Variants in ALCAM observed in about 807,000 individuals in gnomAD.
ALCAM encodes activated leukocyte cell adhesion molecule.
In ALCAM, 30 loss-of-function variants were observed where a neutral mutation model predicts 70.9. That is an observed-to-expected ratio of 0.42 (90% CI 0.32 to 0.57). The LOEUF is 0.57. Ranked by LOEUF, ALCAM falls within the 20% of genes least tolerant of loss-of-function variation. The probability of loss-of-function intolerance (pLI) is 0.11; values close to 1 mark genes in which losing one functional copy is unlikely to be tolerated. For synonymous variants in ALCAM, 249 were observed against 242.5 expected, an observed-to-expected ratio of 1.03 and a Z score of -0.25; for missense variants, 591 against 695.1, an observed-to-expected ratio of 0.85 and a Z score of 1.68.
Position 105,571,848 on chromosome 3 carries a change from A to G in ALCAM, c.1665-4A>G. ...ATGATGAAGTTTATTTAATTCTCTTACAGGACTGCATCAAAACATGTAAAC... is the reference window on the plus strand; with the variant it reads ...ATGATGAAGTTTATTTAATTCTCTTGCAGGACTGCATCAAAACATGTAAAC... On this transcript the variant is annotated splice_polypyrimidine_tract_variant and splice_region_variant and intron_variant, in intron 14 of 15. Transcript: ENST00000306107. The G allele has an allele frequency of 6.3e-7, 1 of 1,599,246 alleles. No individual in the cohort carries two copies. The highest frequency in any genetic ancestry group is 8.6e-7 in the Non-Finnish European group (1 of 1,168,634).
intron 3 of ALCAM, chr3:105,525,314 T>TA: frequency 4.1e-6 from 4 of 981,608 alleles, no homozygotes; most frequent in Non-Finnish European, 3.6e-6. Context: ...TAGTTAATGT[T>TA]ACTGTGCAAA....
intron 1 of ALCAM, among the ~76,000 whole-genome samples, chr3:105,449,047 A>G (rs930154707): frequency 6.6e-6 from 1 of 152,224 alleles, no homozygotes; most frequent in Non-Finnish European, 1.5e-5. Flanking sequence ...CTGTGAAGTG[A>G]CCATCTTCTC....
chr3:105,456,571 T>G (rs1003525282), intron 1 of ALCAM, among the ~76,000 whole-genome samples: 2 of 152,320 alleles, frequency 1.3e-5, no homozygotes, highest in South Asian at 2.1e-4. Context: ...TAGAGTTACC[T>G]TGGACTCCTC....
At chr3:105,490,927 G>T (rs1938566631) in intron 1 of ALCAM, among the ~76,000 whole-genome samples, 2 of 152,322 alleles carry the variant, frequency 1.3e-5, no homozygotes, top group South Asian at 4.1e-4. Context: ...GCCCCAATGG[G>T]AACTCTGTGT....
intron 1 of ALCAM, among the ~76,000 whole-genome samples, chr3:105,496,454 A>T (rs1938740746): frequency 6.6e-6 from 1 of 152,196 alleles, no homozygotes; most frequent in South Asian, 2.1e-4. Context: ...GGAGGGAAAG[A>T]GGAAGGAAAG....
intron 3 of ALCAM, chr3:105,525,259 A>G: frequency 3.0e-6 from 3 of 984,988 alleles, no homozygotes; most frequent in Non-Finnish European, 3.6e-6. Context: ...AACTTGGAAT[A>G]ATTATAGTCA....
chr3:105,560,163 C>A (rs1940602322), intron 14 of ALCAM, among the ~76,000 whole-genome samples: 1 of 152,108 alleles, frequency 6.6e-6, no homozygotes, highest in Non-Finnish European at 1.5e-5. Flanking sequence ...TCCCACCAGT[C>A]GCATATGAGA....
At chr3:105,479,346 G>T (rs1165479043) in intron 1 of ALCAM, among the ~76,000 whole-genome samples, 1 of 152,042 alleles carries the variant, frequency 6.6e-6, no homozygotes. Flanking sequence ...TCTAAAACTG[G>T]TACTAACAAA....
intron 1 of ALCAM, among the ~76,000 whole-genome samples, chr3:105,426,031 T>A (rs1465179949): frequency 6.6e-6 from 1 of 151,854 alleles, no homozygotes; most frequent in South Asian, 2.1e-4. Flanking sequence ...ACAGCAAAAC[T>A]AAGCTTTATT....
chr3:105,551,164 A>T (rs1940395331), intron 12 of ALCAM, among the ~76,000 whole-genome samples: 1 of 151,670 alleles, frequency 6.6e-6, no homozygotes, highest in Non-Finnish European at 1.5e-5. Flanking sequence ...TCCCTCACAG[A>T]TTATGACTGG....
intron 3 of ALCAM, among the ~76,000 whole-genome samples, chr3:105,530,072 AC>A (rs1216146350): frequency 2.0e-5 from 3 of 151,752 alleles, no homozygotes; most frequent in Non-Finnish European, 2.9e-5. Flanking sequence ...GTTCATTTTG[AC>A]TCTTCATTGG....
intron 1 of ALCAM, among the ~76,000 whole-genome samples, chr3:105,466,391 C>T (rs1365154814): frequency 2.6e-5 from 4 of 151,510 alleles, no homozygotes; most frequent in East Asian, 1.9e-4. Flanking sequence ...TAACATTGTG[C>T]GATCTTCACA....
intron 1 of ALCAM, among the ~76,000 whole-genome samples, chr3:105,382,409 T>A (rs112974842): frequency 0.15 from 23,009 of 151,996 alleles, 1,846 homozygotes; most frequent in Middle Eastern, 0.2. Flanking sequence ...TACATGTGCA[T>A]GTGTCTTTAT....
In ALCAM at chr3:105,524,468, G is replaced by A; in HGVS notation, c.354G>A (p.Glu118=). The A allele has an allele frequency of 6.2e-7, 1 of 1,614,104 alleles. No homozygotes were observed. Among genetic ancestry groups the A allele is most frequent in the Non-Finnish European group, 8.5e-7 (1 of 1,179,988 alleles). The change falls in exon 3 of 16, where the codon GAG becomes GAA. Residue 118 remains glutamate, a synonymous_variant. Coordinates refer to ENST00000306107, the MANE Select transcript of ALCAM (RefSeq NM_001627.4). ...EKRFVCMLVT[E]DNVFEAPTIV... ...GATTTGTGTGCATGCTAGTAACTGA[G>A]GACAACGTGTTTGAGGCACCTACAA...
chr3:105,483,996 T>C (rs887248637), intron 1 of ALCAM, among the ~76,000 whole-genome samples: 5 of 152,110 alleles, frequency 3.3e-5, no homozygotes, highest in African/African-American at 9.7e-5. Flanking sequence ...CTCATGTTTT[T>C]TCTTTATTTG....
At chr3:105,431,049 T>A (rs1936917490) in intron 1 of ALCAM, among the ~76,000 whole-genome samples, 1 of 151,872 alleles carries the variant, frequency 6.6e-6, no homozygotes. Context: ...AAAAATATGC[T>A]CATGGGCCAT....
chr3:105,564,812 G>A (rs917824317), intron 14 of ALCAM, among the ~76,000 whole-genome samples: 4 of 152,190 alleles, frequency 2.6e-5, no homozygotes, highest in Non-Finnish European at 2.9e-5. Context: ...TCGGGAGGCC[G>A]AGGCAGGCAG....
chr3:105,525,970 T>C (rs1205157306), intron 3 of ALCAM, among the ~76,000 whole-genome samples: 3 of 152,242 alleles, frequency 2.0e-5, no homozygotes, highest in Non-Finnish European at 4.4e-5. Flanking sequence ...TTTTCTTTTC[T>C]TCTATTTCAC....
intron 1 of ALCAM, among the ~76,000 whole-genome samples, chr3:105,493,255 A>G (rs180845920): frequency 1.3e-5 from 2 of 152,282 alleles, no homozygotes; most frequent in East Asian, 3.9e-4. Flanking sequence ...TAACTAAGTT[A>G]TAAGAATCTA....
Sources: gnomAD v4.1 joint callset for allele counts (sites outside exome capture counted in the v4.1 genomes callset) on GRCh38, gnomAD v4.1.1 for gene constraint, MANE v1.5 for transcripts, NCBI Gene and HGNC (gene_info 2026-07-23, HGNC 2026-07-21) for gene names.